The following CSNK1G1 variants were observed in gnomAD, a reference collection of about 807,000 sequenced individuals.
CSNK1G1 encodes the protein casein kinase I isoform gamma-1.
Under a neutral mutation model 59.6 loss-of-function variants are expected in CSNK1G1, and 22 were observed. The ratio of observed to expected loss-of-function variants is 0.37; its 90% CI spans 0.26 to 0.53. The LOEUF (loss-of-function observed/expected upper bound fraction) is 0.53. Among genes scored for constraint, CSNK1G1 ranks in the 20% least tolerant of loss-of-function variants. CSNK1G1 has a pLI of 0.89. For missense variants in CSNK1G1, 384 were observed against 519.5 expected (o/e 0.74, Z 2.54); for synonymous variants, 179 against 177.1 (o/e 1.01, Z -0.08).
chr15:64,281,134 G>A (rs536950345), intron 2 of CSNK1G1, among the ~76,000 whole-genome samples: 46 of 152,186 alleles, frequency 3.0e-4, no homozygotes, highest in African/African-American at 1.0e-3. Flanking sequence ...CTGCCTCGGC[G>A]TCCCAAAGTG....
intron 6 of CSNK1G1, among the ~76,000 whole-genome samples, chr15:64,212,377 C>T (rs79817056): frequency 0.05 from 7,679 of 152,242 alleles, 304 homozygotes; most frequent in Non-Finnish European, 0.072. Flanking sequence ...GTAGTTTACT[C>T]AATGAGGGAA....
At chr15:64,348,329 T>C (rs2140488740) in intron 1 of CSNK1G1, 1 of 152,308 alleles carries the variant, frequency 6.6e-6, no homozygotes, top group Middle Eastern at 3.4e-3. Flanking sequence ...TTAACAATAA[T>C]GTATCAATAT....
intron 1 of CSNK1G1, among the ~76,000 whole-genome samples, chr15:64,350,426 G>T (rs1046832374): frequency 1.3e-5 from 2 of 151,916 alleles, no homozygotes; most frequent in South Asian, 4.2e-4. Flanking sequence ...GCGTGAACCC[G>T]GGAGATGGAG....
At chr15:64,187,684 C>T (rs2140222540) in intron 10 of CSNK1G1, among the ~76,000 whole-genome samples, 1 of 152,304 alleles carries the variant, frequency 6.6e-6, no homozygotes, top group African/African-American at 2.4e-5. Context: ...TTATGTTTGA[C>T]AGCTCTGAGT....
At chr15:64,215,204 CTTTTTT>C (rs11343127) in intron 5 of CSNK1G1, among the ~76,000 whole-genome samples, 13 of 81,734 alleles carry the variant, frequency 1.6e-4, no homozygotes, top group Admixed American at 8.2e-4. Flanking sequence ...TTTCTACTAA[CTTTTTT>C]TTTTTTTTTT....
intron 1 of CSNK1G1, among the ~76,000 whole-genome samples, chr15:64,333,665 G>A (rs1412115549): frequency 1.3e-5 from 2 of 151,948 alleles, no homozygotes; most frequent in African/African-American, 4.8e-5. Flanking sequence ...TAAAAAATTG[G>A]AAACCAAGTA....
intron 4 of CSNK1G1, among the ~76,000 whole-genome samples, chr15:64,236,891 G>C (rs890686673): frequency 2.0e-5 from 3 of 152,126 alleles, no homozygotes; most frequent in African/African-American, 2.4e-5. Context: ...ATTAACCTAA[G>C]TGTCCATCAA....
intron 11 of CSNK1G1, among the ~76,000 whole-genome samples, chr15:64,178,206 T>A (rs1596050173): frequency 6.6e-6 from 1 of 152,210 alleles, no homozygotes; most frequent in Non-Finnish European, 1.5e-5. Context: ...TAAGATAATG[T>A]AATTTTGTAT....
At chr15:64,206,299 G>A (rs938171696) in intron 7 of CSNK1G1, among the ~76,000 whole-genome samples, 1 of 152,126 alleles carries the variant, frequency 6.6e-6, no homozygotes, top group Non-Finnish European at 1.5e-5. Flanking sequence ...AATTAGCCGG[G>A]TGTGGTGGCG....
intron 7 of CSNK1G1, 79 bp downstream of exon 7, chr15:64,207,430 A>C (rs1013949286): frequency 1.4e-5 from 15 of 1,089,144 alleles, no homozygotes; most frequent in Non-Finnish European, 2.1e-5. Flanking sequence ...CACATTTCTT[A>C]AAAACATGAA....
At chr15:64,221,689 T>A (rs1411017485) in intron 4 of CSNK1G1, among the ~76,000 whole-genome samples, 1 of 151,822 alleles carries the variant, frequency 6.6e-6, no homozygotes, top group Non-Finnish European at 1.5e-5. Flanking sequence ...TGGGTTAGCT[T>A]ATTCATCTGT....
intron 2 of CSNK1G1, among the ~76,000 whole-genome samples, chr15:64,278,080 C>G (rs1192845256): frequency 6.7e-6 from 1 of 150,142 alleles, no homozygotes; most frequent in Non-Finnish European, 1.5e-5. Flanking sequence ...GAGTCTCACT[C>G]TGTTGCCCAG....
chr15:64,273,961 G>C (rs1893466638), intron 2 of CSNK1G1, among the ~76,000 whole-genome samples: 1 of 152,134 alleles, frequency 6.6e-6, no homozygotes, highest in African/African-American at 2.4e-5. Context: ...ACCTAAAAGT[G>C]ATAGACAAAT....
At chr15:64,270,190 C>T (rs1893211367) in intron 2 of CSNK1G1, among the ~76,000 whole-genome samples, 1 of 151,986 alleles carries the variant, frequency 6.6e-6, no homozygotes, top group Non-Finnish European at 1.5e-5. Context: ...GATCTTCTCT[C>T]TTTTATTCTT....
intron 2 of CSNK1G1, among the ~76,000 whole-genome samples, chr15:64,268,506 T>C (rs911973934): frequency 6.6e-6 from 1 of 152,192 alleles, no homozygotes; most frequent in African/African-American, 2.4e-5. Context: ...AGAACTACCA[T>C]CTGTGTAGAG....
chr15:64,272,390 G>C (rs1893364999), intron 2 of CSNK1G1, among the ~76,000 whole-genome samples: 1 of 151,908 alleles, frequency 6.6e-6, no homozygotes, highest in Non-Finnish European at 1.5e-5. Flanking sequence ...TAATTTTTTT[G>C]TATTTTTTAG....
chr15:64,188,354 G>C lies in CSNK1G1; in HGVS notation c.1108-7900C>G. ...AGCCAAGCTGGAAAGGCCAGGAAAA[G>C]GCAATAAAGGCAGTAAATACCTGCA... On this transcript the variant is annotated intron_variant, in intron 10 of 11. Transcript: ENST00000303052. This position sits in a 1 kb window ranked among gnomAD's most constrained non-coding sequence, Gnocchi z 4.2. 1 of 1,514,626 alleles carries C rather than the reference G, an allele frequency of 6.6e-7. No individual in the cohort carries two copies. Among genetic ancestry groups the C allele is most frequent in the South Asian group, 1.2e-5 (1 of 83,088 alleles). 93.8% of individuals were successfully genotyped at this position (1,514,626 alleles called of 1,614,324 possible).
intron 10 of CSNK1G1, among the ~76,000 whole-genome samples, chr15:64,192,962 G>A (rs2081992377): frequency 6.7e-6 from 1 of 148,804 alleles, no homozygotes; most frequent in Non-Finnish European, 1.5e-5. Flanking sequence ...TCACTTTATG[G>A]CTCAAAAAAT....
At chr15:64,277,873 T>C (rs1309383639) in intron 2 of CSNK1G1, among the ~76,000 whole-genome samples, 1 of 138,804 alleles carries the variant, frequency 7.2e-6, no homozygotes, top group African/African-American at 2.8e-5. Flanking sequence ...TATTTAATAA[T>C]AATATTGATA....
Sources: gnomAD v4.1 joint callset for allele counts (sites outside exome capture counted in the v4.1 genomes callset) on GRCh38, gnomAD v4.1.1 for gene constraint, Gnocchi (gnomAD v3.1) non-coding constraint, MANE v1.5 for transcripts, NCBI Gene and HGNC (gene_info 2026-07-23, HGNC 2026-07-21) for gene names.